The following GRM4 variants were observed in gnomAD, a reference collection of about 807,000 sequenced individuals.
GRM4 encodes the protein metabotropic glutamate receptor 4.
Under a neutral mutation model 81.7 loss-of-function variants are expected in GRM4, and 28 were observed. The observed-to-expected ratio is 0.34, with a 90% CI of 0.25 to 0.47. The LOEUF (loss-of-function observed/expected upper bound fraction) is 0.47, where lower values mean the gene tolerates loss of function less well. Ranked by LOEUF, GRM4 falls within the 20% of genes least tolerant of loss-of-function variation. The probability of loss-of-function intolerance (pLI) is 1.00; values close to 1 mark genes in which losing one functional copy is unlikely to be tolerated. For missense variants in GRM4, 948 were observed against 1,290.0 expected (o/e 0.73, Z 4.06); for synonymous variants, 488 against 528.8 (o/e 0.92, Z 1.06).
chr6:34,084,644 A>G (rs1024089407), intron 3 of GRM4, among the ~76,000 whole-genome samples: 1 of 152,170 alleles, frequency 6.6e-6, no homozygotes, highest in Non-Finnish European at 1.5e-5. Flanking sequence ...AAAACATTTC[A>G]ACATGCGGCA....
At position 34,022,982 on chromosome 6, in the gene GRM4, A is replaced by AGGAC; in HGVS notation, c.2690-113_2690-112insGTCC. On this transcript the variant is annotated intron_variant, in intron 10 of 10. Coordinates refer to ENST00000538487, the MANE Select transcript of GRM4 (RefSeq NM_000841.4). This position sits in a 1 kb window ranked among gnomAD's most constrained non-coding sequence, Gnocchi z 5.6. The stretch of plus-strand genomic sequence containing the variant: ...AACCTACCATAGCTCCCCGCCTCTC[A>AGGAC]TGGCATCCAGTCCTGAGCTGAGCAA... 1.2e-6 allele frequency: 1 copy of AGGAC among 845,936 alleles called. No individual in the cohort carries two copies. 52.4% of individuals were successfully genotyped at this position (845,936 alleles called of 1,614,324 possible).
At chr6:34,129,278 G>A (rs955072997) in intron 2 of GRM4, among the ~76,000 whole-genome samples, 169 of 152,324 alleles carry the variant, frequency 1.1e-3, no homozygotes, top group Middle Eastern at 6.8e-3. Flanking sequence ...GCCTCCCAAT[G>A]TGCTGGGATT....
chr6:34,044,168 A>G (rs10947474), intron 6 of GRM4, among the ~76,000 whole-genome samples: 48,166 of 133,476 alleles, frequency 0.36, 9,060 homozygotes, highest in Non-Finnish European at 0.45. Flanking sequence ...ACATACACAC[A>G]CATATACATA....
chr6:34,072,360 A>AC (rs1766958953), intron 3 of GRM4, among the ~76,000 whole-genome samples: 1 of 147,652 alleles, frequency 6.8e-6, no homozygotes, highest in African/African-American at 2.5e-5. Flanking sequence ...CCACACACAC[A>AC]TCCTTACATC....
chr6:34,028,746 G>A lies in GRM4; in HGVS notation c.2443-380C>T, dbSNP rs1030427151. 2.6e-5 allele frequency among the ~76,000 whole-genome samples: 4 copies of A among 152,188 alleles called. No individual in the cohort carries two copies. In the South Asian group the frequency reaches 6.2e-4, roughly 24 times the overall value. On this transcript the variant is annotated intron_variant, in intron 9 of 10. Transcript: ENST00000538487. The stretch of plus-strand genomic sequence containing the variant: ...CGCTGTTATTTGCTATGTGGAGGAC[G>A]TGCGCCTGAGGAGAGGCTCTCAGGA...
rs2127468188 is a variant in GRM4, at chr6:34,070,061, T to A, written c.737-8033A>T. Among the ~76,000 whole-genome samples, 1 of 152,264 alleles carries A rather than the reference T, an allele frequency of 6.6e-6. No homozygotes were observed. Among genetic ancestry groups the A allele is most frequent in the South Asian group, 2.1e-4 (1 of 4,828 alleles). ...ACTGACGGGGTTTTGAAGGGACAGC[T>A]CGGCAGGAGCTGCCAGCATGGGCGT... On this transcript the variant is annotated intron_variant, in intron 3 of 10. Transcript: ENST00000538487. This position sits in a 1 kb window ranked among gnomAD's most constrained non-coding sequence, Gnocchi z 4.6.
At chr6:34,109,853 C>A (rs1374800611) in intron 2 of GRM4, among the ~76,000 whole-genome samples, 6 of 152,074 alleles carry the variant, frequency 3.9e-5, no homozygotes, top group African/African-American at 1.4e-4. Context: ...GTTCCAAGTT[C>A]TCTGGAGCCA....
rs77327065 is a variant in GRM4, at chr6:34,136,066, G to A, written c.-363-2207C>T. 3.6e-3 allele frequency among the ~76,000 whole-genome samples: 553 copies of A among 152,324 alleles called. 3 individuals carry two copies. Among genetic ancestry groups the A allele is most frequent in the South Asian group, 0.023 (113 of 4,824 alleles). On this transcript the variant is annotated intron_variant, in intron 1 of 10. Transcript: ENST00000538487. The surrounding 1 kb of genome is among the most constrained non-coding windows in gnomAD (Gnocchi z 4.1). ...ACACCATCCTGTCCAAATGCCGACG[G>A]TGCCTCGTGGAGAAATCACAGCAAA... is the stretch of plus-strand genomic sequence containing the variant.
At chr6:34,088,391 G>A (rs1009635972) in intron 3 of GRM4, among the ~76,000 whole-genome samples, 10 of 152,052 alleles carry the variant, frequency 6.6e-5, no homozygotes, top group African/African-American at 1.7e-4. Context: ...CAAAGTGCTG[G>A]GATTACAGGT....
rs1404739296 is a variant in GRM4, at chr6:34,103,459, C to A, written c.520-11360G>T. ...GCTCGATGCAGGCTCAGAGGCAGGG[C>A]CGCAGATAAGAGCGCCCGAGAGAGC... On this transcript the variant is annotated intron_variant, in intron 2 of 10. Transcript: ENST00000538487. 4 of 741,550 alleles carry A rather than the reference C, an allele frequency of 5.4e-6. No homozygotes were observed. In the African/African-American group the frequency reaches 6.9e-5, roughly 13 times the overall value. The allele number at this position is 741,550 out of a possible 1,614,324, so 45.9% of individuals were successfully genotyped here.
At chr6:34,026,434 C>T (rs1019788206) in intron 10 of GRM4, among the ~76,000 whole-genome samples, 24 of 152,082 alleles carry the variant, frequency 1.6e-4, no homozygotes, top group African/African-American at 5.3e-4. Flanking sequence ...CTAAGACTTT[C>T]AGAGGGGAGG....
At position 34,115,032 on chromosome 6, in the gene GRM4, C is replaced by G. The variant is rs1769534706; in HGVS notation, c.519+17946G>C. ...CAGGCTGGTCTGAGGACAAACGGAC[C>G]TTTAAGTGCCACTAATCACTGCATC... is the stretch of plus-strand genomic sequence containing the variant. On this transcript the variant is annotated intron_variant, in intron 2 of 10. Transcript: ENST00000538487. This position sits in a 1 kb window ranked among gnomAD's most constrained non-coding sequence, Gnocchi z 4.1. Among the ~76,000 whole-genome samples, 2 of 152,228 alleles carry G rather than the reference C, an allele frequency of 1.3e-5. No homozygotes were observed. Among genetic ancestry groups the G allele is most frequent in the African/African-American group, 4.8e-5 (2 of 41,464 alleles).
chr6:34,134,795 A>T (rs916954522), intron 1 of GRM4, among the ~76,000 whole-genome samples: 1 of 151,880 alleles, frequency 6.6e-6, no homozygotes, highest in African/African-American at 2.4e-5. Flanking sequence ...CATTATTAAG[A>T]TCATCATCAT....
Position 34,080,585 on chromosome 6 carries a change from C to A in GRM4, c.736+11298G>T, listed in dbSNP as rs940670453. On this transcript the variant is annotated intron_variant, in intron 3 of 10. Coordinates refer to ENST00000538487, the MANE Select transcript of GRM4 (RefSeq NM_000841.4). The surrounding 1 kb of genome is among the most constrained non-coding windows in gnomAD (Gnocchi z 5.4). The stretch of plus-strand genomic sequence containing the variant: ...GAGGGCAGAAGGAAAAAAATGGCCA[C>A]GCCCCTCCTCACCAGCCATACCCCT... Among the ~76,000 whole-genome samples, 2 of 152,114 alleles carry A rather than the reference C, an allele frequency of 1.3e-5. No homozygotes were observed. The highest frequency in any genetic ancestry group is 2.1e-4 in the South Asian group (1 of 4,824).
At chr6:34,148,047 AC>A (rs1224894102), upstream of GRM4, among the ~76,000 whole-genome samples, 2 of 50,316 alleles carry the variant, frequency 4.0e-5, no homozygotes, top group Non-Finnish European at 7.4e-5. Context: ...TAATTATCCC[AC>A]CCCCCGCCCC....
chr6:34,129,433 G>A (rs1464290980), intron 2 of GRM4, among the ~76,000 whole-genome samples: 2 of 152,234 alleles, frequency 1.3e-5, no homozygotes. Context: ...CACAACCTGG[G>A]CTGGGCCCAC....
At chr6:34,081,422 G>A (rs1236704219) in intron 3 of GRM4, among the ~76,000 whole-genome samples, 1 of 152,234 alleles carries the variant, frequency 6.6e-6, no homozygotes, top group Non-Finnish European at 1.5e-5. Flanking sequence ...TGGCTGGCAT[G>A]GGAGGCCGAG....
chr6:34,091,829 G>A (rs1055102773), intron 3 of GRM4, 54 bp downstream of exon 3: 3 of 1,339,592 alleles, frequency 2.2e-6, no homozygotes, highest in Non-Finnish European at 3.2e-6. Context: ...GTCAGTCACT[G>A]TGCCGGGACA....
chr6:34,026,581 G>T (rs938513725), intron 10 of GRM4, among the ~76,000 whole-genome samples: 1 of 151,954 alleles, frequency 6.6e-6, no homozygotes, highest in Non-Finnish European at 1.5e-5. Flanking sequence ...GGAAGCAGGG[G>T]CCTGGGGATA....
Sources: gnomAD v4.1 joint callset for allele counts (sites outside exome capture counted in the v4.1 genomes callset) on GRCh38, gnomAD v4.1.1 for gene constraint, Gnocchi (gnomAD v3.1) non-coding constraint, MANE v1.5 for transcripts, NCBI Gene and HGNC (gene_info 2026-07-23, HGNC 2026-07-21) for gene names.